AQP4: variants seen among roughly 807,000 people sequenced by gnomAD.
AQP4 encodes aquaporin 4, also known as aquaporin-4.
Under a neutral mutation model 27.8 loss-of-function variants are expected in AQP4, and 18 were observed. That is an observed-to-expected ratio of 0.65 (90% CI 0.45 to 0.96). AQP4 has a LOEUF of 0.96. Among genes scored for constraint, AQP4 ranks in the 40% least tolerant of loss-of-function variants. AQP4 has a pLI of 0.00. For synonymous variants in AQP4, 141 were observed against 142.9 expected, an observed-to-expected ratio of 0.99 and a Z score of 0.10; for missense variants, 412 against 408.2, an observed-to-expected ratio of 1.01 and a Z score of -0.08.
At chr18:26,862,840 CT>C (rs1482444392) in intron 1 of AQP4, 6 of 579,858 alleles carry the variant, frequency 1.0e-5, no homozygotes, top group Non-Finnish European at 1.8e-5. Flanking sequence ...CAAACTGTCC[CT>C]AGAAAGGAAA....
chr18:26,852,662 C>A lies in AQP4; in HGVS notation c.*3549G>T. ...ACTAAACTCACAAAATTTGTGGTAA[C>A]AAAAGAGAGTTTTGTTACATTACAC... is the stretch of plus-strand genomic sequence containing the variant. On this transcript the variant is annotated 3_prime_UTR_variant, in exon 5 of 5. Coordinates refer to ENST00000383168, the MANE Select transcript of AQP4 (RefSeq NM_001650.7). The A allele has an allele frequency of 2.5e-6, 1 of 394,914 alleles. No homozygotes were observed. Among genetic ancestry groups the A allele is most frequent in the Non-Finnish European group, 4.5e-6 (1 of 224,066 alleles). The allele number at this position is 394,914 out of a possible 1,614,324, so 24.5% of individuals were successfully genotyped here.
At chr18:26,862,146 T>G in intron 2 of AQP4, 36 bp downstream of exon 2, 1 of 1,610,544 alleles carries the variant, frequency 6.2e-7, no homozygotes, top group Non-Finnish European at 8.5e-7. Flanking sequence ...TGCAAGAAGC[T>G]TGGAGTCCTA....
At chr18:26,860,719 C>T (rs1179495562) in intron 4 of AQP4, 53 bp downstream of exon 4, 1 of 1,480,688 alleles carries the variant, frequency 6.8e-7, no homozygotes, top group East Asian at 2.3e-5. Flanking sequence ...AAGAGCCCCA[C>T]AGGTAATTGT....
intron 4 of AQP4, among the ~76,000 whole-genome samples, chr18:26,857,391 A>G (rs990133153): frequency 6.6e-6 from 1 of 151,890 alleles, no homozygotes; most frequent in African/African-American, 2.4e-5. Flanking sequence ...GCAGTGGGCG[A>G]TCGCCACTCA....
At chr18:26,862,839 C>T in intron 1 of AQP4, 2 of 578,514 alleles carry the variant, frequency 3.5e-6, no homozygotes, top group East Asian at 5.9e-5. Flanking sequence ...CCAAACTGTC[C>T]CTAGAAAGGA....
rs750966881 is a variant in AQP4 at position 26,865,657 on chromosome 18, C to A, written c.32+1G>T. ...TTCCCTTAAGGCAAAGAAGGACTTA[C>A]CCCCACCGCCTTGCTGTGGGTCTGT... On this transcript the variant is annotated splice_donor_variant, in intron 1 of 4. Coordinates refer to ENST00000383168, the MANE Select transcript of AQP4 (RefSeq NM_001650.7). LOFTEE classifies it high-confidence loss of function. 1 of 1,614,162 alleles carries A rather than the reference C, an allele frequency of 6.2e-7. No individual in the cohort carries two copies. The highest frequency in any genetic ancestry group is 8.5e-7 in the Non-Finnish European group (1 of 1,180,014).
Position 26,853,017 on chromosome 18 carries a change from A to T in AQP4, c.*3194T>A, listed in dbSNP as rs1238609089. 2.5e-6 allele frequency: 1 copy of T among 397,080 alleles called. No individual in the cohort carries two copies. Among genetic ancestry groups the T allele is most frequent in the African/African-American group, 2.1e-5 (1 of 48,624 alleles). 24.6% of individuals were successfully genotyped at this position (397,080 alleles called of 1,614,324 possible). A position where few individuals can be genotyped will look rare whatever the true frequency, so the allele number is the denominator to read the frequency against. On this transcript the variant is annotated 3_prime_UTR_variant, in exon 5 of 5. Transcript: ENST00000383168. ...TCCTGTCATTATCGAGTTTAAACCA[A>T]TACATGTGTTGTCTGGTTTCATGGT... is the stretch of plus-strand genomic sequence containing the variant.
At chr18:26,860,890 A>G in intron 3 of AQP4, 38 bp from the exon 4 acceptor site, 1 of 1,584,654 alleles carries the variant, frequency 6.3e-7, no homozygotes. Flanking sequence ...ACATTGCTGA[A>G]ACAGGGCTAC....
At position 26,856,093 on chromosome 18, in the gene AQP4, A is replaced by T. The variant is rs1355525650; in HGVS notation, c.*118T>A. On this transcript the variant is annotated 3_prime_UTR_variant, in exon 5 of 5. Transcript: ENST00000383168. ...TTTATTGTTTAGACTGAGTAATATG[A>T]CATGAAACAACAAACCTGCACATTT... 1 of 1,256,180 alleles carries T rather than the reference A, an allele frequency of 8.0e-7. No homozygotes were observed. Among genetic ancestry groups the T allele is most frequent in the Non-Finnish European group, 1.2e-6 (1 of 862,936 alleles). The allele number at this position is 1,256,180 out of a possible 1,614,324, so 77.8% of individuals were successfully genotyped here.
chr18:26,862,770 G>A (rs1465415648), intron 1 of AQP4, 174 bp from the exon 2 acceptor site: 5 of 754,874 alleles, frequency 6.6e-6, no homozygotes, highest in Non-Finnish European at 1.1e-5. Context: ...TCAAGAGACT[G>A]TTATTCTAGT....
At chr18:26,864,827 G>C (rs1432898357) in intron 1 of AQP4, among the ~76,000 whole-genome samples, 2 of 152,028 alleles carry the variant, frequency 1.3e-5, no homozygotes, top group Non-Finnish European at 2.9e-5. Context: ...GAAGAGGTGG[G>C]ACCCAGAAAA....
rs2144946551 is a variant in AQP4 at position 26,855,455 on chromosome 18, A to T, written c.*756T>A. The T allele has an allele frequency of 6.6e-6, 1 of 152,478 alleles. No individual in the cohort carries two copies. Among genetic ancestry groups the T allele is most frequent in the South Asian group, 2.1e-4 (1 of 4,838 alleles). The allele number at this position is 152,478 out of a possible 1,614,324, so 9.4% of individuals were successfully genotyped here. A position where few individuals can be genotyped will look rare whatever the true frequency, so the allele number is the denominator to read the frequency against. ...TTTTGTTTGTGATTTTTGTATGATG[A>T]TAACTTTGCCTCTGCCTCTACAAGA... On this transcript the variant is annotated 3_prime_UTR_variant, in exon 5 of 5. Coordinates refer to ENST00000383168, the MANE Select transcript of AQP4 (RefSeq NM_001650.7).
chr18:26,856,296 G>C lies in AQP4; in HGVS notation c.887C>G (p.Pro296Arg), dbSNP rs768757331. 5.0e-6 allele frequency: 8 copies of C among 1,614,126 alleles called. No homozygotes were observed. In the Admixed American group the frequency reaches 1.0e-4, roughly 20 times the overall value. Residue 296 changes from proline to arginine, a missense_variant, in exon 5 of 5, where the codon CCT (proline) becomes CGT (arginine). Pro to Arg is a moderately radical substitution (Grantham distance 103). Transcript: ENST00000383168. ...QVETDDLILK[P>R]GVVHVIDVDR... ...AACGTCAATCACATGCACCACTCCA[G>C]GTTTTAGAATCAGGTCATCCGTCTC...
intron 2 of AQP4, 198 bp downstream of exon 2, chr18:26,861,984 C>G: frequency 2.9e-6 from 2 of 681,614 alleles, no homozygotes; most frequent in Non-Finnish European, 2.4e-6. Flanking sequence ...TTTTAAGGCA[C>G]TCAAGAGCAA....
rs566941536 is a variant in AQP4 at position 26,855,781 on chromosome 18, A to G, written c.*430T>C. 8.3e-4 allele frequency: 201 copies of G among 243,542 alleles called. No individual in the cohort carries two copies. The highest frequency in any genetic ancestry group is 1.1e-3 in the South Asian group (21 of 18,470). The allele number at this position is 243,542 out of a possible 1,614,324, so 15.1% of individuals were successfully genotyped here. On this transcript the variant is annotated 3_prime_UTR_variant, in exon 5 of 5. Coordinates refer to ENST00000383168, the MANE Select transcript of AQP4 (RefSeq NM_001650.7). ...TCTTGAATGTGCATGACTGTGACAT[A>G]CTGTATTTTGCCATTGTTAAACTCA...
In AQP4 at chr18:26,861,078, G is replaced by A. The variant is rs1451745575; in HGVS notation, c.612+53C>T. The A allele has an allele frequency of 3.8e-6, 6 of 1,597,010 alleles. No homozygotes were observed. In the East Asian group the frequency reaches 6.7e-5, roughly 18 times the overall value. On this transcript the variant is annotated intron_variant, in intron 3 of 4. Transcript: ENST00000383168. The stretch of plus-strand genomic sequence containing the variant: ...AAACACAACATCTTCAGGCCAGCTA[G>A]AGTGAGGATAAATGAGGTGGGATTG...
At chr18:26,865,236 T>G in intron 1 of AQP4, 1 of 311,316 alleles carries the variant, frequency 3.2e-6, no homozygotes, top group Non-Finnish European at 6.3e-6. Context: ...CTGGAAATGA[T>G]CAACACAATT....
At position 26,862,546 on chromosome 18, in the gene AQP4, C is replaced by A. The variant is rs1411558805; in HGVS notation, c.83G>T (p.Gly28Val). Residue 28 changes from glycine (G) to valine (V), a missense_variant, in exon 2 of 5, where the codon GGG becomes GTG. Gly to Val is a moderately radical substitution (Grantham distance 109). Transcript: ENST00000383168. ...TTTCCAGAAAGCTTGAGTCCAGACC[C>A]CTTTGAAAGCCACCATGATGTTCTC... ...TRENIMVAFK[G>V]VWTQAFWKAV... The A allele has an allele frequency of 6.2e-7, 1 of 1,614,080 alleles. No individual in the cohort carries two copies. The highest frequency in any genetic ancestry group is 8.5e-7 in the Non-Finnish European group (1 of 1,180,018).
intron 2 of AQP4, among the ~76,000 whole-genome samples, 164 bp from the exon 3 acceptor site, chr18:26,861,459 G>A (rs991245527): frequency 6.6e-6 from 1 of 152,074 alleles, no homozygotes; most frequent in African/African-American, 2.4e-5. Context: ...CCAAAAAGAA[G>A]GAATAAATTT....
Sources: allele counts gnomAD v4.1 joint callset (sites outside exome capture counted in the v4.1 genomes callset), GRCh38; gene constraint gnomAD v4.1.1; transcripts MANE v1.5; gene names NCBI Gene and HGNC (gene_info 2026-07-23, HGNC 2026-07-21).